PTPDC1: variants seen among roughly 807,000 people sequenced by gnomAD.
PTPDC1 encodes the protein protein tyrosine phosphatase domain containing 1.
Under a neutral mutation model 75.3 loss-of-function variants are expected in PTPDC1, and 53 were observed. The ratio of observed to expected loss-of-function variants is 0.70; its 90% confidence interval spans 0.56 to 0.88. The LOEUF (loss-of-function observed/expected upper bound fraction) is 0.88, where lower values mean the gene tolerates loss of function less well. PTPDC1 is among the 40% of genes least tolerant of loss of function. PTPDC1 has a pLI of 0.00. For synonymous variants in PTPDC1, 349 were observed against 366.2 expected (o/e 0.95, Z 0.54); for missense variants, 925 against 998.6 (o/e 0.93, Z 0.99).
At chr9:94,078,858 T>C (rs1043484932) in intron 2 of PTPDC1, among the ~76,000 whole-genome samples, 3 of 152,226 alleles carry the variant, frequency 2.0e-5, no homozygotes, top group Non-Finnish European at 4.4e-5. Context: ...TGGTATTCTG[T>C]ATCTGATGAA....
At chr9:94,104,194 C>G in intron 7 of PTPDC1, 81 bp from the exon 8 acceptor site, 1 of 865,578 alleles carries the variant, frequency 1.2e-6, no homozygotes, top group Middle Eastern at 2.8e-4. Flanking sequence ...CAAACCAATT[C>G]TTGACTCTAC....
At chr9:94,041,245 T>G (rs1361935520) in intron 1 of PTPDC1, among the ~76,000 whole-genome samples, 1 of 152,220 alleles carries the variant, frequency 6.6e-6, no homozygotes, top group Non-Finnish European at 1.5e-5. Context: ...TTTTCTTCTC[T>G]CTGTGATTAG....
At chr9:94,099,798 G>C (rs1257794828) in intron 6 of PTPDC1, among the ~76,000 whole-genome samples, 1 of 152,236 alleles carries the variant, frequency 6.6e-6, no homozygotes, top group African/African-American at 2.4e-5. Flanking sequence ...CAGCCCCAGT[G>C]CCCATGCAAG....
At chr9:94,047,915 G>A (rs1380162675) in intron 1 of PTPDC1, among the ~76,000 whole-genome samples, 2 of 152,196 alleles carry the variant, frequency 1.3e-5, no homozygotes, top group East Asian at 3.9e-4. Context: ...CTGAAATTGA[G>A]GCAATAATCA....
chr9:94,062,650 T>C (rs1487228406), intron 1 of PTPDC1, among the ~76,000 whole-genome samples: 1 of 152,056 alleles, frequency 6.6e-6, no homozygotes, highest in Non-Finnish European at 1.5e-5. Context: ...CTACACACTT[T>C]TAAACAACCA....
intron 1 of PTPDC1, among the ~76,000 whole-genome samples, chr9:94,031,674 T>A (rs996145928): frequency 1.3e-5 from 2 of 152,168 alleles, no homozygotes; most frequent in Non-Finnish European, 2.9e-5. Flanking sequence ...CCGTCCTTTG[T>A]GGCCTTCCAA....
intron 4 of PTPDC1, among the ~76,000 whole-genome samples, chr9:94,092,429 T>C (rs553285227): frequency 9.1e-5 from 13 of 142,922 alleles, no homozygotes; most frequent in African/African-American, 3.2e-4. Flanking sequence ...TCTAGTTTGA[T>C]TGCACTGTGG....
chr9:94,057,918 A>G (rs1458689251), intron 1 of PTPDC1, among the ~76,000 whole-genome samples: 3 of 152,232 alleles, frequency 2.0e-5, no homozygotes, highest in Non-Finnish European at 4.4e-5. Context: ...TTAGATATTT[A>G]TTAATACCCT....
chr9:94,072,814 G>A (rs928955962), intron 2 of PTPDC1, among the ~76,000 whole-genome samples: 1 of 152,060 alleles, frequency 6.6e-6, no homozygotes, highest in African/African-American at 2.4e-5. Flanking sequence ...TGTTGGTGTG[G>A]TGGATTATAT....
chr9:94,036,955 C>T (rs1386605396), intron 1 of PTPDC1, among the ~76,000 whole-genome samples: 1 of 152,170 alleles, frequency 6.6e-6, no homozygotes, highest in African/African-American at 2.4e-5. Context: ...GGTTTGAACT[C>T]AGAACATTCT....
intron 2 of PTPDC1, among the ~76,000 whole-genome samples, chr9:94,076,374 G>A (rs1269787350): frequency 3.3e-5 from 5 of 152,072 alleles, no homozygotes; most frequent in African/African-American, 1.2e-4. Flanking sequence ...GGAGCCACCA[G>A]ACTACTTTCT....
chr9:94,104,697 A>T (rs1827956224), intron 8 of PTPDC1, among the ~76,000 whole-genome samples: 1 of 152,236 alleles, frequency 6.6e-6, no homozygotes, highest in South Asian at 2.1e-4. Flanking sequence ...CATGTGCCTA[A>T]TCAGAGTCAG....
rs552713834 is a variant in PTPDC1, at chr9:94,106,466, C to T, written c.2311-1362C>T. ...GGCTCCTCAGCTATGAGGCAAACCC[C>T]GTGCTTGTGCAGCCTCCACCTAGGC... On this transcript the variant is annotated intron_variant, in intron 8 of 8. Transcript: ENST00000620992. Among the ~76,000 whole-genome samples the T allele has an allele frequency of 6.6e-5, 10 of 152,332 alleles. No homozygotes were observed. In the South Asian group the frequency reaches 1.0e-3, roughly 16 times the overall value.
At position 94,044,856 on chromosome 9, in the gene PTPDC1, A is replaced by T. The variant is rs115703847; in HGVS notation, c.-7+13729A>T. On this transcript the variant is annotated intron_variant, in intron 1 of 9. Transcript: ENST00000375360. ...ATCAAGTCTCTCACTATTTTTTTTC[A>T]TTATACTTTAAGTTTTAGGGTACAT... Among the ~76,000 whole-genome samples, 1,280 of 150,778 alleles carry T rather than the reference A, an allele frequency of 8.5e-3. 15 individuals carry two copies. The highest frequency in any genetic ancestry group is 0.03 in the African/African-American group (1,216 of 41,002).
chr9:94,095,029 AC>A (rs1827501900), intron 4 of PTPDC1, among the ~76,000 whole-genome samples: 1 of 152,108 alleles, frequency 6.6e-6, no homozygotes, highest in Non-Finnish European at 1.5e-5. Context: ...TGCAGAAATC[AC>A]CCGTCTTCTG....
intron 4 of PTPDC1, among the ~76,000 whole-genome samples, chr9:94,089,251 C>T (rs1827197144): frequency 7.4e-6 from 1 of 135,358 alleles, no homozygotes; most frequent in Non-Finnish European, 1.6e-5. Flanking sequence ...CACAACAGTC[C>T]CCAGAGTGTG....
chr9:94,087,320 C>T (rs755976031), intron 2 of PTPDC1, among the ~76,000 whole-genome samples: 3 of 152,108 alleles, frequency 2.0e-5, no homozygotes, highest in African/African-American at 4.8e-5. Context: ...TATTCTTACA[C>T]GGGTGCACCA....
chr9:94,041,376 T>C (rs1237179341), intron 1 of PTPDC1, among the ~76,000 whole-genome samples: 1 of 152,200 alleles, frequency 6.6e-6, no homozygotes. Flanking sequence ...TGCTAATTAC[T>C]TGCAGATTTT....
In PTPDC1 at chr9:94,036,023, G is replaced by GTTTTTTTTTT. The variant is rs200873026; in HGVS notation, c.-7+4898_-7+4907dup. ...TTGCCCATTTTTAATCGGATTATTT[G>GTTTTTTTTTT]TTTTTTTTTTTGTTTTTTTTTTGCT... On this transcript the variant is annotated intron_variant, in intron 1 of 9. Transcript: ENST00000375360. Among the ~76,000 whole-genome samples the GTTTTTTTTTT allele has an allele frequency of 7.7e-4, 66 of 85,530 alleles. 5 individuals carry two copies. Among genetic ancestry groups the GTTTTTTTTTT allele is most frequent in the African/African-American group, 1.3e-3 (26 of 19,268 alleles). The allele number at this position is 85,530 out of a possible 152,430, so 56.1% of individuals were successfully genotyped here. A position where few individuals can be genotyped will look rare whatever the true frequency, so the allele number is the denominator to read the frequency against.
Sources: gnomAD v4.1 joint callset for allele counts (sites outside exome capture counted in the v4.1 genomes callset) on GRCh38, gnomAD v4.1.1 for gene constraint, MANE v1.5 for transcripts, NCBI Gene and HGNC (gene_info 2026-07-23, HGNC 2026-07-21) for gene names.